SOX5: variants seen among roughly 807,000 people sequenced by gnomAD.
SOX5 encodes the protein transcription factor SOX-5.
SOX5 carries 9 observed loss-of-function variants against 92.0 expected under a neutral mutation model. The observed-to-expected ratio is 0.10, with a 90% confidence interval of 0.06 to 0.17. The LOEUF (loss-of-function observed/expected upper bound fraction) is 0.17, where lower values mean the gene tolerates loss of function less well. Ranked by LOEUF, SOX5 falls within the 10% of genes least tolerant of loss-of-function variation. The pLI is 1.00. For missense variants in SOX5, 642 were observed against 944.5 expected (o/e 0.68, Z 4.20); for synonymous variants, 344 against 336.3 (o/e 1.02, Z -0.25).
intron 3 of SOX5, among the ~76,000 whole-genome samples, chr12:23,769,414 C>T (rs1378953310): frequency 6.6e-6 from 1 of 151,914 alleles, no homozygotes; most frequent in Non-Finnish European, 1.5e-5. Flanking sequence ...TTTGAATTAC[C>T]TGTAGGTAGT....
chr12:24,189,023 G>T (rs1408694797), intron 4 of SOX5, among the ~76,000 whole-genome samples: 1 of 152,178 alleles, frequency 6.6e-6, no homozygotes, highest in Non-Finnish European at 1.5e-5. Flanking sequence ...TACAAGGACT[G>T]AAATCCTAAA....
At position 23,652,203 on chromosome 12, in the gene SOX5, T is replaced by C. The variant is rs1468998161; in HGVS notation, c.932-11306A>G. 1.3e-5 allele frequency among the ~76,000 whole-genome samples: 2 copies of C among 152,118 alleles called. 1 individual carries two copies. The highest frequency in any genetic ancestry group is 2.9e-5 in the Non-Finnish European group (2 of 67,998). On this transcript the variant is annotated intron_variant, in intron 7 of 14. Coordinates refer to ENST00000451604, the MANE Select transcript of SOX5 (RefSeq NM_006940.6). ...TTAATGAACATATATCTGCAACAGCTGCCTCTGTTAATGATTTTCTTCTTC... is the reference window on the plus strand; with the variant it reads ...TTAATGAACATATATCTGCAACAGCCGCCTCTGTTAATGATTTTCTTCTTC...
chr12:24,408,225 C>T (rs140485273), intron 1 of SOX5, among the ~76,000 whole-genome samples: 137 of 152,254 alleles, frequency 9.0e-4, no homozygotes, highest in African/African-American at 2.9e-3. Flanking sequence ...CGCCAAAAGA[C>T]GCTTTCAGAT....
chr12:23,545,418 C>T (rs4246217), intron 12 of SOX5, among the ~76,000 whole-genome samples: 109,997 of 152,110 alleles, frequency 0.72, 40,093 homozygotes, highest in East Asian at 0.96. Context: ...CTCTTTGCTA[C>T]GCTATTAAAA....
rs1254485504 is a variant in SOX5 at position 24,200,491 on chromosome 12, CT to C, written c.-2+12851del. The stretch of plus-strand genomic sequence containing the variant: ...CTCTGATTGTAATAGTAAAGTGTTA[CT>C]TTTTTTTTTTTAATTTGATCTACGC... On this transcript the variant is annotated intron_variant, in intron 4 of 4. Transcript: ENST00000446891. Among the ~76,000 whole-genome samples, 430 of 146,294 alleles carry C rather than the reference CT, an allele frequency of 2.9e-3. 1 individual carries two copies. The highest frequency in any genetic ancestry group is 4.4e-3 in the Admixed American group (64 of 14,664).
Position 24,040,085 on chromosome 12 carries a change from T to C in SOX5, c.-1-144061A>G, listed in dbSNP as rs936523280. On this transcript the variant is annotated intron_variant, in intron 4 of 4. Coordinates refer to the SOX5 transcript ENST00000446891. ...ATGTGATCAAACAGATCAATTTCTT[T>C]CATTGTCCTGGTTCAATTATGTTAA... Among the ~76,000 whole-genome samples the C allele has an allele frequency of 1.3e-4, 20 of 152,312 alleles. 1 individual carries two copies. The highest frequency in any genetic ancestry group is 7.2e-4 in the Admixed American group (11 of 15,296).
chr12:23,911,348 T>C (rs1441128837), intron 1 of SOX5, among the ~76,000 whole-genome samples: 2 of 152,096 alleles, frequency 1.3e-5, no homozygotes, highest in African/African-American at 4.8e-5. Context: ...AGATGTTAGA[T>C]ATTAATTAAA....
chr12:23,970,841 A>ATATATATATTTTTT, intron 4 of SOX5, among the ~76,000 whole-genome samples: 13 of 21,874 alleles, frequency 5.9e-4, no homozygotes, highest in South Asian at 2.2e-3. Flanking sequence ...TATATATATA[A>ATATATATATTTTTT]TTTTTTTTTT....
intron 4 of SOX5, among the ~76,000 whole-genome samples, chr12:24,035,169 T>C (rs1955900061): frequency 6.6e-6 from 1 of 152,110 alleles, no homozygotes; most frequent in African/African-American, 2.4e-5. Flanking sequence ...ACACTGAGGG[T>C]AGAAAACTTG....
At chr12:24,439,669 T>C (rs1027183090) in intron 1 of SOX5, among the ~76,000 whole-genome samples, 2 of 151,828 alleles carry the variant, frequency 1.3e-5, no homozygotes, top group African/African-American at 4.8e-5. Flanking sequence ...CCAACGCGGG[T>C]GGAGGAAGAG....
At chr12:24,458,620 G>A (rs1022509686) in intron 1 of SOX5, among the ~76,000 whole-genome samples, 1 of 152,110 alleles carries the variant, frequency 6.6e-6, no homozygotes, top group African/African-American at 2.4e-5. Flanking sequence ...TTGGAAACCT[G>A]CCCTTATCCT....
chr12:23,741,095 C>A, intron 4 of SOX5, 56 bp from the exon 5 acceptor site: 1 of 1,384,432 alleles, frequency 7.2e-7, no homozygotes, highest in South Asian at 1.5e-5. Flanking sequence ...GTAATTATTT[C>A]AATGAAAATG....
intron 4 of SOX5, among the ~76,000 whole-genome samples, chr12:24,152,297 G>A (rs1951736867): frequency 6.6e-6 from 1 of 152,144 alleles, no homozygotes; most frequent in African/African-American, 2.4e-5. Flanking sequence ...GAGGTATTTT[G>A]TCTGTGTATT....
At chr12:23,813,557 C>T (rs766057616) in intron 3 of SOX5, among the ~76,000 whole-genome samples, 12 of 152,118 alleles carry the variant, frequency 7.9e-5, no homozygotes, top group Non-Finnish European at 1.3e-4. Flanking sequence ...TCCACATGTG[C>T]TTTAATAAAA....
In SOX5 at chr12:24,301,768, A is replaced by G. The variant is rs921946825; in HGVS notation, c.-173-24456T>C. 2.0e-5 allele frequency among the ~76,000 whole-genome samples: 3 copies of G among 152,158 alleles called. No individual in the cohort carries two copies. The East Asian group carries it at 5.8e-4, about 29-fold the overall frequency. ...CTGGGTGGAGGATGAAGAAAAATGCATTTTCCTACCCCTGGCTGCAGGAAG... is the reference window on the plus strand; with the variant it reads ...CTGGGTGGAGGATGAAGAAAAATGCGTTTTCCTACCCCTGGCTGCAGGAAG... On this transcript the variant is annotated intron_variant, in intron 2 of 4. Transcript: ENST00000446891.
intron 9 of SOX5, among the ~76,000 whole-genome samples, chr12:23,583,622 T>C (rs1002920713): frequency 1.3e-5 from 2 of 152,090 alleles, no homozygotes; most frequent in African/African-American, 4.8e-5. Context: ...TCTTTTAAAA[T>C]GATTAACAGT....
At chr12:23,668,501 T>C (rs1045415849) in intron 6 of SOX5, among the ~76,000 whole-genome samples, 27 of 152,172 alleles carry the variant, frequency 1.8e-4, no homozygotes, top group African/African-American at 5.8e-4. Context: ...ATCAAAACGA[T>C]ATGTTTTCTG....
chr12:23,662,178 G>A (rs917045818), intron 7 of SOX5, among the ~76,000 whole-genome samples: 3 of 152,050 alleles, frequency 2.0e-5, no homozygotes, highest in Admixed American at 6.6e-5. Context: ...TATAGAGAGA[G>A]AGAGAGAAAG....
chr12:24,312,068 T>C (rs929992418), intron 2 of SOX5, among the ~76,000 whole-genome samples: 11 of 152,280 alleles, frequency 7.2e-5, no homozygotes, highest in Middle Eastern at 3.4e-3. Context: ...GTTTACTTAA[T>C]GAACAGAATA....
Sources: allele counts gnomAD v4.1 joint callset (sites outside exome capture counted in the v4.1 genomes callset), GRCh38; gene constraint gnomAD v4.1.1; transcripts MANE v1.5; gene names NCBI Gene and HGNC (gene_info 2026-07-23, HGNC 2026-07-21).